The following GRIA4 variants were observed in gnomAD, a reference collection of about 807,000 sequenced individuals.
GRIA4 encodes the protein glutamate ionotropic receptor AMPA type subunit 4.
A neutral mutation model predicts 104.0 loss-of-function variants in GRIA4; 34 were observed. The ratio of observed to expected loss-of-function variants is 0.33; its 90% CI spans 0.25 to 0.44. GRIA4 has a LOEUF of 0.44. GRIA4 is among the 20% of genes least tolerant of loss of function. The probability of loss-of-function intolerance (pLI) is 1.00; values close to 1 mark genes in which losing one functional copy is unlikely to be tolerated. For synonymous variants in GRIA4, 386 were observed against 381.9 expected, an observed-to-expected ratio of 1.01 and a Z score of -0.13; for missense variants, 750 against 1,096.5, an observed-to-expected ratio of 0.68 and a Z score of 4.46.
At chr11:105,660,365 C>A (rs1951971453) in intron 3 of GRIA4, among the ~76,000 whole-genome samples, 1 of 151,516 alleles carries the variant, frequency 6.6e-6, no homozygotes, top group Admixed American at 6.6e-5. Context: ...ATTGAATGTC[C>A]AATATCAGAC....
chr11:105,891,738 C>T (rs1466137913), intron 6 of GRIA4, among the ~76,000 whole-genome samples: 1 of 152,144 alleles, frequency 6.6e-6, no homozygotes, highest in Non-Finnish European at 1.5e-5. Context: ...AGAACTTATT[C>T]TTGTTTTTTC....
At chr11:105,651,912 G>T (rs1288400588) in intron 3 of GRIA4, among the ~76,000 whole-genome samples, 1 of 151,940 alleles carries the variant, frequency 6.6e-6, no homozygotes, top group East Asian at 1.9e-4. Context: ...GATGAAACAG[G>T]TCCAAATACA....
chr11:105,909,614 A>G (rs1947161262), intron 9 of GRIA4, among the ~76,000 whole-genome samples: 1 of 152,184 alleles, frequency 6.6e-6, no homozygotes, highest in African/African-American at 2.4e-5. Context: ...TAAGACGTAT[A>G]CTTTTAAAAA....
At chr11:105,782,781 C>T (rs745517816) in intron 4 of GRIA4, among the ~76,000 whole-genome samples, 3 of 152,122 alleles carry the variant, frequency 2.0e-5, no homozygotes, top group East Asian at 3.8e-4. Context: ...TGACAATTCA[C>T]GAACAGAAGA....
chr11:105,879,479 T>G (rs939384081), intron 5 of GRIA4, among the ~76,000 whole-genome samples: 4 of 152,188 alleles, frequency 2.6e-5, no homozygotes, highest in Non-Finnish European at 5.9e-5. Context: ...CAATATACAT[T>G]TGGAAAAGTA....
intron 3 of GRIA4, among the ~76,000 whole-genome samples, chr11:105,726,099 C>T (rs1254118765): frequency 3.3e-5 from 5 of 152,104 alleles, no homozygotes; most frequent in South Asian, 4.1e-4. Flanking sequence ...TCTTGCTCAG[C>T]GGATCCTACC....
intron 3 of GRIA4, among the ~76,000 whole-genome samples, chr11:105,643,433 T>G (rs1204727472): frequency 6.6e-6 from 1 of 152,172 alleles, no homozygotes; most frequent in Non-Finnish European, 1.5e-5. Flanking sequence ...GTACAATTAT[T>G]TAACCAGCTT....
chr11:105,708,221 G>A (rs1051324208), intron 3 of GRIA4, among the ~76,000 whole-genome samples: 2 of 151,978 alleles, frequency 1.3e-5, no homozygotes, highest in Non-Finnish European at 2.9e-5. Flanking sequence ...GCTGTCCTTC[G>A]TGTAATAAAG....
chr11:105,658,269 T>C (rs1001521040), intron 3 of GRIA4, among the ~76,000 whole-genome samples: 4 of 151,850 alleles, frequency 2.6e-5, no homozygotes, highest in African/African-American at 9.7e-5. Context: ...AGTTTGCTGC[T>C]TGCCATGAGT....
At chr11:105,682,210 A>T (rs947772236) in intron 3 of GRIA4, among the ~76,000 whole-genome samples, 2 of 152,130 alleles carry the variant, frequency 1.3e-5, no homozygotes, top group Non-Finnish European at 2.9e-5. Flanking sequence ...TTGAATTAAT[A>T]TCTTTATTTT....
At chr11:105,636,084 T>C (rs961105693) in intron 3 of GRIA4, among the ~76,000 whole-genome samples, 7 of 152,150 alleles carry the variant, frequency 4.6e-5, no homozygotes, top group Non-Finnish European at 1.5e-5. Context: ...TTATAATCCA[T>C]GAGCATGAAA....
chr11:105,726,480 A>G (rs1417282547), intron 3 of GRIA4, among the ~76,000 whole-genome samples: 1 of 152,138 alleles, frequency 6.6e-6, no homozygotes, highest in Non-Finnish European at 1.5e-5. Context: ...GCAAACTTAA[A>G]TGTTCCCACC....
At chr11:105,903,522 C>T (rs1946937829) in intron 7 of GRIA4, among the ~76,000 whole-genome samples, 1 of 152,162 alleles carries the variant, frequency 6.6e-6, no homozygotes, top group Admixed American at 6.5e-5. Context: ...ACAGAAAGGC[C>T]TTGCCTAGGG....
intron 3 of GRIA4, among the ~76,000 whole-genome samples, chr11:105,678,035 G>A (rs1044332360): frequency 1.3e-5 from 2 of 151,974 alleles, no homozygotes; most frequent in African/African-American, 2.4e-5. Flanking sequence ...ATAGTTCCTT[G>A]CATGAAGTAG....
chr11:105,920,587 A>G (rs1244908042), intron 11 of GRIA4, among the ~76,000 whole-genome samples: 1 of 152,132 alleles, frequency 6.6e-6, no homozygotes, highest in African/African-American at 2.4e-5. Context: ...TTCTGACCAC[A>G]TTTCATTCAG....
At chr11:105,873,764 GTTGT>G (rs1945711248) in intron 5 of GRIA4, among the ~76,000 whole-genome samples, 1 of 151,948 alleles carries the variant, frequency 6.6e-6, no homozygotes, top group South Asian at 2.1e-4. Flanking sequence ...TTTTGATGGG[GTTGT>G]TTGTTTCTTG....
chr11:105,903,717 T>C (rs768498555), intron 7 of GRIA4, 97 bp from the exon 8 acceptor site: 8 of 781,628 alleles, frequency 1.0e-5, no homozygotes, highest in African/African-American at 3.5e-5. Context: ...TCAGACAGAA[T>C]GGTGCTTTAT....
At chr11:105,623,179 A>G (rs1950799099) in intron 3 of GRIA4, among the ~76,000 whole-genome samples, 1 of 151,294 alleles carries the variant, frequency 6.6e-6, no homozygotes. Context: ...TGATAAACAT[A>G]CAAGTGCAGG....
At chr11:105,633,581 A>T (rs1228761880) in intron 3 of GRIA4, among the ~76,000 whole-genome samples, 1 of 152,202 alleles carries the variant, frequency 6.6e-6, no homozygotes, top group African/African-American at 2.4e-5. Context: ...AGACTATTAA[A>T]GAAAAACAAA....
Sources: gnomAD v4.1 joint callset for allele counts (sites outside exome capture counted in the v4.1 genomes callset) on GRCh38, gnomAD v4.1.1 for gene constraint, MANE v1.5 for transcripts, NCBI Gene and HGNC (gene_info 2026-07-23, HGNC 2026-07-21) for gene names.